The following RASA1 variants were observed in gnomAD, a reference collection of about 807,000 sequenced individuals.
The protein encoded by RASA1 is RAS p21 protein activator 1.
In RASA1, 25 loss-of-function variants were observed where a neutral mutation model predicts 132.2. That is an observed-to-expected ratio of 0.19 (90% CI 0.14 to 0.26). The LOEUF (loss-of-function observed/expected upper bound fraction) is 0.26. RASA1 is among the 10% of genes least tolerant of loss of function. The probability of loss-of-function intolerance (pLI) is 1.00; values close to 1 mark genes in which losing one functional copy is unlikely to be tolerated. For synonymous variants in RASA1, 477 were observed against 449.9 expected (o/e 1.06, Z -0.76); for missense variants, 964 against 1,299.2 (o/e 0.74, Z 3.97).
chr5:87,345,540 T>G (rs1758800701), intron 6 of RASA1, among the ~76,000 whole-genome samples: 1 of 152,164 alleles, frequency 6.6e-6, no homozygotes, highest in Admixed American at 6.5e-5. Flanking sequence ...AGTTGTTGTA[T>G]TCTTGCTTTA....
chr5:87,291,749 G>A (rs915109288), intron 1 of RASA1, among the ~76,000 whole-genome samples: 2 of 152,148 alleles, frequency 1.3e-5, no homozygotes, highest in Admixed American at 6.5e-5. Context: ...TGATATGTTT[G>A]TTCCCGCTTT....
intron 1 of RASA1, among the ~76,000 whole-genome samples, chr5:87,312,247 T>C (rs936053455): frequency 1.3e-5 from 2 of 152,206 alleles, no homozygotes; most frequent in African/African-American, 2.4e-5. Context: ...TCATATACTA[T>C]GAATCAAAGC....
chr5:87,326,817 A>G (rs1394292576), intron 1 of RASA1, among the ~76,000 whole-genome samples: 1 of 152,178 alleles, frequency 6.6e-6, no homozygotes, highest in African/African-American at 2.4e-5. Flanking sequence ...ATGCTCTATA[A>G]TGTTCAAAAA....
At chr5:87,334,872 G>A (rs1271873559) in intron 4 of RASA1, among the ~76,000 whole-genome samples, 3 of 151,926 alleles carry the variant, frequency 2.0e-5, no homozygotes, top group Admixed American at 6.6e-5. Context: ...TGAGTTGAGA[G>A]CTGAACTAGT....
intron 1 of RASA1, among the ~76,000 whole-genome samples, chr5:87,298,270 A>G (rs1421185652): frequency 6.6e-6 from 1 of 151,776 alleles, no homozygotes; most frequent in Non-Finnish European, 1.5e-5. Flanking sequence ...TTAGCCGGGC[A>G]TGGTGGCGGG....
intron 20 of RASA1, among the ~76,000 whole-genome samples, chr5:87,381,817 C>T (rs1030443275): frequency 2.6e-5 from 4 of 152,092 alleles, no homozygotes; most frequent in Non-Finnish European, 5.9e-5. Flanking sequence ...TAAACTGTTT[C>T]GTGCAAGAGG....
intron 2 of RASA1, among the ~76,000 whole-genome samples, chr5:87,332,106 T>G (rs1757651304): frequency 6.6e-6 from 1 of 152,148 alleles, no homozygotes; most frequent in Non-Finnish European, 1.5e-5. Context: ...TGATACCACA[T>G]GTAGTATGTG....
intron 1 of RASA1, among the ~76,000 whole-genome samples, chr5:87,305,841 A>G (rs1755583223): frequency 6.6e-6 from 1 of 152,240 alleles, no homozygotes; most frequent in Non-Finnish European, 1.5e-5. Flanking sequence ...CATGTTTCAA[A>G]AGAAGACGTA....
At chr5:87,343,514 A>G (rs1436788751) in intron 6 of RASA1, among the ~76,000 whole-genome samples, 3 of 152,160 alleles carry the variant, frequency 2.0e-5, no homozygotes, top group African/African-American at 7.2e-5. Flanking sequence ...CAAAACTACA[A>G]TGAGATTTCA....
At position 87,268,255 on chromosome 5, in the gene RASA1, T is replaced by C; in HGVS notation, c.-197T>C. On this transcript the variant is annotated 5_prime_UTR_variant, in exon 1 of 25. Transcript: ENST00000274376. Reference sequence around the variant, plus strand: ...GGTTTTTTGCCCACTTGGCTTCCCGTAACCCAGGCAGCTGGGGAGCCTGGG... The same window carrying C: ...GGTTTTTTGCCCACTTGGCTTCCCGCAACCCAGGCAGCTGGGGAGCCTGGG... 2 of 799,988 alleles carry C rather than the reference T, an allele frequency of 2.5e-6. No homozygotes were observed. The highest frequency in any genetic ancestry group is 2.8e-5 in the East Asian group (1 of 36,054). 49.6% of individuals were successfully genotyped at this position (799,988 alleles called of 1,614,324 possible). A position where few individuals can be genotyped will look rare whatever the true frequency, so the allele number is the denominator to read the frequency against.
At chr5:87,385,275 A>G in intron 21 of RASA1, 26 bp from the exon 22 acceptor site, 2 of 1,477,620 alleles carry the variant, frequency 1.4e-6, no homozygotes, top group Non-Finnish European at 1.9e-6. Context: ...ACTTGGTGTC[A>G]TTAGCTGTGC....
Position 87,389,537 on chromosome 5 carries a change from C to T in RASA1, c.3060+10C>T, listed in dbSNP as rs768479962. The T allele has an allele frequency of 2.2e-5, 36 of 1,613,406 alleles. No individual in the cohort carries two copies. Among genetic ancestry groups the T allele is most frequent in the African/African-American group, 2.7e-5 (2 of 74,872 alleles). ...GCGTGGTGCACAGCAGGTAGGCTTT[C>T]GCCAGCCTTCATTAACAATGATGTT... On this transcript the variant is annotated intron_variant, in intron 24 of 24. Transcript: ENST00000274376.
At chr5:87,305,890 A>T (rs1412087457) in intron 1 of RASA1, among the ~76,000 whole-genome samples, 3 of 152,250 alleles carry the variant, frequency 2.0e-5, no homozygotes, top group Admixed American at 2.0e-4. Flanking sequence ...GCTCAACATC[A>T]CTGATCATTA....
In RASA1 at chr5:87,308,604, T is replaced by C. The variant is rs145344851; in HGVS notation, c.540-22744T>C. ...CTGTTCTTGGTAGTAACCATTGCTG[T>C]TGTGTATATATATGTATAATGTACA... On this transcript the variant is annotated intron_variant, in intron 1 of 24. Coordinates refer to ENST00000274376, the MANE Select transcript of RASA1 (RefSeq NM_002890.3). Among the ~76,000 whole-genome samples, 506 of 152,298 alleles carry C rather than the reference T, an allele frequency of 3.3e-3. 4 individuals are homozygous for C. Among genetic ancestry groups the C allele is most frequent in the African/African-American group, 0.012 (483 of 41,554 alleles).
At chr5:87,309,352 T>C (rs1428616803) in intron 1 of RASA1, among the ~76,000 whole-genome samples, 1 of 152,122 alleles carries the variant, frequency 6.6e-6, no homozygotes, top group Admixed American at 6.5e-5. Flanking sequence ...TCAGACAGGA[T>C]AGTAGGGCAC....
intron 5 of RASA1, among the ~76,000 whole-genome samples, chr5:87,339,748 A>G (rs952997995): frequency 6.6e-6 from 1 of 152,196 alleles, no homozygotes; most frequent in African/African-American, 2.4e-5. Context: ...GCTAAAAATG[A>G]ATATAGTAAC....
intron 8 of RASA1, among the ~76,000 whole-genome samples, chr5:87,352,625 T>A (rs1580333394): frequency 6.6e-6 from 1 of 151,896 alleles, no homozygotes; most frequent in Non-Finnish European, 1.5e-5. Flanking sequence ...TTTCTCCCTA[T>A]AGTGATAATC....
At chr5:87,278,588 G>A (rs1754171634) in intron 1 of RASA1, among the ~76,000 whole-genome samples, 1 of 151,986 alleles carries the variant, frequency 6.6e-6, no homozygotes, top group African/African-American at 2.4e-5. Context: ...AGATGTACTT[G>A]TTCATCCATT....
At chr5:87,388,449 T>G (rs1310814936) in intron 23 of RASA1, among the ~76,000 whole-genome samples, 1 of 152,204 alleles carries the variant, frequency 6.6e-6, no homozygotes, top group African/African-American at 2.4e-5. Flanking sequence ...CCAAAACTTG[T>G]TGAGCACCAA....
Sources: allele counts gnomAD v4.1 joint callset (sites outside exome capture counted in the v4.1 genomes callset), GRCh38; gene constraint gnomAD v4.1.1; transcripts MANE v1.5; gene names NCBI Gene and HGNC (gene_info 2026-07-23, HGNC 2026-07-21).